NEB: variants seen among roughly 807,000 people sequenced by gnomAD.
NEB encodes nebulin.
In NEB, 512 loss-of-function variants were observed where a neutral mutation model predicts 952.2. The observed-to-expected ratio is 0.54, with a 90% confidence interval of 0.50 to 0.58. The LOEUF (loss-of-function observed/expected upper bound fraction) is 0.58, where lower values mean the gene tolerates loss of function less well. NEB is among the 20% of genes least tolerant of loss of function. The pLI is 0.00. For synonymous variants in NEB, 2,900 were observed against 3,149.8 expected (o/e 0.92, Z 2.66); for missense variants, 8,428 against 9,231.1 (o/e 0.91, Z 3.56).
intron 73 of NEB, 56 bp downstream of exon 73, chr2:151,619,393 TCA>T (rs1433279018): frequency 2.7e-6 from 4 of 1,495,190 alleles, no homozygotes; most frequent in African/African-American, 1.4e-5. Flanking sequence ...TAGTCAGAAC[TCA>T]CAGACACGTT....
chr2:151,675,863 G>T (rs369071102), intron 34 of NEB, among the ~76,000 whole-genome samples: 12 of 152,088 alleles, frequency 7.9e-5, no homozygotes, highest in Admixed American at 3.3e-4. Context: ...TAATGTAGAG[G>T]TGCTTATACA....
In NEB at chr2:151,701,412, A is replaced by G. The variant is rs374461410; in HGVS notation, c.1153-3764T>C. 6.9e-3 allele frequency among the ~76,000 whole-genome samples: 1,022 copies of G among 148,756 alleles called. 18 individuals are homozygous for G. Among genetic ancestry groups the G allele is most frequent in the East Asian group, 0.061 (303 of 5,008 alleles). On this transcript the variant is annotated intron_variant, in intron 13 of 181. Transcript: ENST00000397345. Reference sequence around the variant, plus strand: ...GTTAGGGAGGATTCCCTCTTTTTCTATTGATTGGAATAGTTTCAGAAGGAA... The same window carrying G: ...GTTAGGGAGGATTCCCTCTTTTTCTGTTGATTGGAATAGTTTCAGAAGGAA...
intron 117 of NEB, among the ~76,000 whole-genome samples, 193 bp from the exon 118 acceptor site, chr2:151,564,123 G>C (rs1294704126): frequency 6.6e-6 from 1 of 151,876 alleles, no homozygotes; most frequent in Non-Finnish European, 1.5e-5. Flanking sequence ...ACAGACTCGA[G>C]GCATTTTATT....
chr2:151,732,283 T>G (rs1243518373), intron 3 of NEB, among the ~76,000 whole-genome samples: 1 of 152,150 alleles, frequency 6.6e-6, no homozygotes, highest in African/African-American at 2.4e-5. Flanking sequence ...TTCCAAGCCT[T>G]TAGATTTTAT....
At chr2:151,637,079 G>A (rs139063222) in intron 63 of NEB, among the ~76,000 whole-genome samples, 9 of 152,220 alleles carry the variant, frequency 5.9e-5, no homozygotes, top group African/African-American at 1.2e-4. Flanking sequence ...GGGTACTTGG[G>A]AATCAAAGAT....
Position 151,692,122 on chromosome 2 carries a change from A to C in NEB, c.2043T>G (p.Tyr681Ter). The change falls in exon 22 of 182, where the codon TAT becomes TAG. Residue 681 changes from tyrosine to a stop codon, truncating the protein, a stop_gained. Coordinates refer to ENST00000397345, the MANE Select transcript of NEB (RefSeq NM_001164508.2). LOFTEE classifies it high-confidence loss of function. ...GATATGGGTCCTCCATGCTGCCTAC[A>C]TAATGTCCCAAAACATCCTTTACAT... is the stretch of plus-strand genomic sequence containing the variant. ...DLYVKDVLGH[Y>*]VGSMEDPYHT... is the part of the protein sequence containing the mutation. The C allele has an allele frequency of 6.2e-7, 1 of 1,614,004 alleles. No homozygotes were observed. The highest frequency in any genetic ancestry group is 8.5e-7 in the Non-Finnish European group (1 of 1,179,876).
chr2:151,672,468 A>T lies in NEB; in HGVS notation c.4200T>A (p.Ala1400=). The T allele has an allele frequency of 6.2e-7, 1 of 1,614,008 alleles. No homozygotes were observed. Among genetic ancestry groups the T allele is most frequent in the Non-Finnish European group, 8.5e-7 (1 of 1,179,864 alleles). The change falls in exon 37 of 182, where the codon GCT becomes GCA. Residue 1400 remains alanine, a synonymous_variant. Transcript: ENST00000397345. ...ITAAKMAQDV[A]TNVNYKQPLH... ...ATGGCTGTTTGTAGTTGACATTGGT[A>T]GCGACATCCTGGGCCATCTTTGCAG...
In NEB at chr2:151,565,611, A is replaced by C; in HGVS notation, c.18262-6T>G. On this transcript the variant is annotated splice_polypyrimidine_tract_variant and splice_region_variant and intron_variant, in intron 115 of 181. Transcript: ENST00000397345. The stretch of plus-strand genomic sequence containing the variant: ...GCATTTTTCTTATATTTGATCTGTA[A>C]AGAAACGGAGACAATTAAGACAGGT... 6.3e-7 allele frequency: 1 copy of C among 1,581,378 alleles called. No homozygotes were observed. The highest frequency in any genetic ancestry group is 1.3e-5 in the African/African-American group (1 of 74,632).
At chr2:151,516,871 C>T (rs142767014) in intron 156 of NEB, among the ~76,000 whole-genome samples, 81 of 152,276 alleles carry the variant, frequency 5.3e-4, no homozygotes, top group African/African-American at 1.7e-3. Flanking sequence ...GAAAATTACC[C>T]AGGTAGATGA....
rs1256861153 is a variant in NEB, at chr2:151,614,510, C to T, written c.11367G>A (p.Met3789Ile). The T allele has an allele frequency of 6.2e-7, 1 of 1,613,906 alleles. No individual in the cohort carries two copies. Among genetic ancestry groups the T allele is most frequent in the Non-Finnish European group, 8.5e-7 (1 of 1,179,844 alleles). ...GARNIKDDPK[M>I]MWSIHVAKIQ... ...TCTTGGCCACATGGATGGACCACAT[C>T]ATCTTCGGGTCATCCTTAATGTTCC... is the stretch of plus-strand genomic sequence containing the variant. Residue 3789 changes from methionine to isoleucine, a missense_variant, in exon 77 of 182, where the codon ATG (methionine) becomes ATA (isoleucine). Physicochemically the swap from Met to Ile is conservative, Grantham distance 10. This residue lies in a region of NEB where 1,772 missense variants were observed against 1,960.3 expected (regional missense o/e 0.90). Transcript: ENST00000397345.
At chr2:151,530,746 G>T in intron 145 of NEB, 1 of 372,322 alleles carries the variant, frequency 2.7e-6, no homozygotes, top group Non-Finnish European at 4.8e-6. Flanking sequence ...GGCTAGCCAT[G>T]GGAGTGAGCC....
chr2:151,717,404 C>T lies in NEB; in HGVS notation c.822+12G>A. 1 of 1,581,218 alleles carries T rather than the reference C, an allele frequency of 6.3e-7. No homozygotes were observed. The highest frequency in any genetic ancestry group is 1.1e-5 in the South Asian group (1 of 90,378). On this transcript the variant is annotated intron_variant, in intron 10 of 181. Coordinates refer to ENST00000397345, the MANE Select transcript of NEB (RefSeq NM_001164508.2). ...CTTCAAGGGAGGCAATGTCCCAGCT[C>T]TATTTACTTACCTTGCTCACTTGAT... is the stretch of plus-strand genomic sequence containing the variant.
intron 5 of NEB, among the ~76,000 whole-genome samples, chr2:151,727,246 T>C (rs976143923): frequency 2.0e-5 from 3 of 152,200 alleles, no homozygotes; most frequent in Non-Finnish European, 4.4e-5. Context: ...ATCTTGGATT[T>C]TTAAAATAAA....
Position 151,662,095 on chromosome 2 carries a change from C to T in NEB, c.5970+40G>A, listed in dbSNP as rs374764078. 3.1e-5 allele frequency: 48 copies of T among 1,531,530 alleles called. No individual in the cohort carries two copies. The African/African-American group carries it at 5.5e-4, about 17-fold the overall frequency. 94.9% of individuals were successfully genotyped at this position (1,531,530 alleles called of 1,614,324 possible). A position where few individuals can be genotyped will look rare whatever the true frequency, so the allele number is the denominator to read the frequency against. On this transcript the variant is annotated intron_variant, in intron 46 of 181. Coordinates refer to ENST00000397345, the MANE Select transcript of NEB (RefSeq NM_001164508.2). ...TAAATGTAAATTATACCTGGATTCT[C>T]TCTGATGCATATGAAACACTGCATT...
At chr2:151,514,085 TTAGATAA>T (rs1317370176) in intron 159 of NEB, among the ~76,000 whole-genome samples, 2 of 152,174 alleles carry the variant, frequency 1.3e-5, no homozygotes, top group African/African-American at 4.8e-5. Context: ...TCAAATAATA[TTAGATAA>T]TAGATTATGA....
rs371868090 is a variant in NEB at position 151,567,134 on chromosome 2, G to A, written c.18156+34C>T. The A allele has an allele frequency of 1.8e-4, 273 of 1,515,908 alleles. 1 individual carries two copies. The African/African-American group carries it at 1.9e-3, about 11-fold the overall frequency. 93.9% of individuals were successfully genotyped at this position (1,515,908 alleles called of 1,614,324 possible). On this transcript the variant is annotated intron_variant, in intron 114 of 181. Transcript: ENST00000397345. ...TCATCATTCTCAGAGTGTACCATGC[G>A]TTTCTAGATAATGAAGAAACAAAAA...
intron 77 of NEB, among the ~76,000 whole-genome samples, chr2:151,613,452 A>G (rs2098086677): frequency 6.6e-6 from 1 of 152,228 alleles, no homozygotes; most frequent in Non-Finnish European, 1.5e-5. Context: ...AAAATATGTA[A>G]CATCTTCATT....
chr2:151,573,882 CTTTTT>C (rs2096735045), intron 107 of NEB, among the ~76,000 whole-genome samples: 2 of 151,956 alleles, frequency 1.3e-5, no homozygotes, highest in East Asian at 1.9e-4. Context: ...AGTTGATTCT[CTTTTT>C]TAAGACTTAA....
At chr2:151,573,433 T>C (rs894631720) in intron 107 of NEB, among the ~76,000 whole-genome samples, 3 of 152,226 alleles carry the variant, frequency 2.0e-5, no homozygotes, top group African/African-American at 7.2e-5. Flanking sequence ...GAGGCGTCTA[T>C]ACTGCAGTGA....
Sources: gnomAD v4.1 joint callset for allele counts (sites outside exome capture counted in the v4.1 genomes callset) on GRCh38, gnomAD v4.1.1 for gene constraint, gnomAD v4.1.1 regional missense constraint, MANE v1.5 for transcripts, NCBI Gene and HGNC (gene_info 2026-07-23, HGNC 2026-07-21) for gene names.